The following SSBP3 variants were observed in gnomAD, a reference collection of about 807,000 sequenced individuals.
SSBP3 encodes single-stranded DNA-binding protein 3.
A neutral mutation model predicts 69.6 loss-of-function variants in SSBP3; 5 were observed. That is an observed-to-expected ratio of 0.07 (90% confidence interval 0.04 to 0.15). The LOEUF (loss-of-function observed/expected upper bound fraction) is 0.15, where lower values mean the gene tolerates loss of function less well. Among genes scored for constraint, SSBP3 ranks in the 10% least tolerant of loss-of-function variants. SSBP3 has a pLI of 1.00. For synonymous variants in SSBP3, 196 were observed against 193.4 expected (o/e 1.01, Z -0.11); for missense variants, 312 against 534.0 (o/e 0.58, Z 4.10).
intron 9 of SSBP3, among the ~76,000 whole-genome samples, chr1:54,247,009 C>T (rs1334866441): frequency 6.6e-6 from 1 of 152,258 alleles, no homozygotes; most frequent in Non-Finnish European, 1.5e-5. Context: ...CACCGCTCTG[C>T]AGGGGCAGGG....
At chr1:54,231,310 A>G (rs1180266616) in intron 14 of SSBP3, among the ~76,000 whole-genome samples, 1 of 152,182 alleles carries the variant, frequency 6.6e-6, no homozygotes, top group Non-Finnish European at 1.5e-5. Context: ...GCATCTTCTC[A>G]TGTGCTTACT....
At chr1:54,264,716 A>G (rs1242313467) in intron 5 of SSBP3, among the ~76,000 whole-genome samples, 3 of 152,208 alleles carry the variant, frequency 2.0e-5, no homozygotes, top group Admixed American at 2.0e-4. Context: ...TAAACTGCTG[A>G]CAGCTACCCA....
At chr1:54,251,536 T>C in intron 9 of SSBP3, 80 bp downstream of exon 9, 3 of 1,417,324 alleles carry the variant, frequency 2.1e-6, no homozygotes, top group South Asian at 2.5e-5. Context: ...TGTGGGAGAC[T>C]GACAGAGCAT....
chr1:54,242,037 T>C, intron 11 of SSBP3, 127 bp downstream of exon 11: 2 of 1,129,778 alleles, frequency 1.8e-6, no homozygotes, highest in Admixed American at 2.0e-5. Context: ...GCCTTCTCCC[T>C]AGAAGCATCA....
chr1:54,280,632 C>T (rs894337354), intron 5 of SSBP3, among the ~76,000 whole-genome samples: 8 of 152,178 alleles, frequency 5.3e-5, no homozygotes, highest in Admixed American at 3.9e-4. Flanking sequence ...TTCCTTACAG[C>T]CCTGCACGCT....
chr1:54,378,113 C>T (rs563670648), intron 4 of SSBP3, among the ~76,000 whole-genome samples: 10 of 152,272 alleles, frequency 6.6e-5, no homozygotes, highest in Admixed American at 5.9e-4. Flanking sequence ...AGCAGATGCC[C>T]TCGGACCTCT....
chr1:54,339,048 C>G (rs1426915802), intron 4 of SSBP3, among the ~76,000 whole-genome samples: 4 of 152,116 alleles, frequency 2.6e-5, no homozygotes, highest in Non-Finnish European at 5.9e-5. Flanking sequence ...TTTCATGGGC[C>G]TTCTCTCTCC....
Position 54,252,377 on chromosome 1 carries a change from G to A in SSBP3, c.508-517C>T, listed in dbSNP as rs116218553. Among the ~76,000 whole-genome samples, 707 of 152,350 alleles carry A rather than the reference G, an allele frequency of 4.6e-3. 5 individuals are homozygous for A. The highest frequency in any genetic ancestry group is 0.016 in the African/African-American group (674 of 41,576). ...AAGCCCCATTTAAAGGGGAAAAGAG[G>A]ATGAGGAGGCTTTTAGGATTGAGAT... On this transcript the variant is annotated intron_variant, in intron 7 of 17. Transcript: ENST00000610401.
chr1:54,228,234 C>G, intron 17 of SSBP3, 21 bp downstream of exon 17: 1 of 1,609,730 alleles, frequency 6.2e-7, no homozygotes, highest in Non-Finnish European at 8.5e-7. Context: ...ACGAGAGCAA[C>G]AGGCAGGGGG....
intron 4 of SSBP3, among the ~76,000 whole-genome samples, chr1:54,331,133 A>G (rs977054794): frequency 6.6e-6 from 1 of 152,252 alleles, no homozygotes; most frequent in Non-Finnish European, 1.5e-5. Context: ...ATGCCCCGAT[A>G]TAATAACCTC....
intron 5 of SSBP3, among the ~76,000 whole-genome samples, chr1:54,266,050 C>A (rs1415573668): frequency 6.6e-6 from 1 of 152,226 alleles, no homozygotes; most frequent in Non-Finnish European, 1.5e-5. Flanking sequence ...ACATGGCAAA[C>A]GAAAAGTATA....
At chr1:54,332,214 A>G (rs1316429097) in intron 4 of SSBP3, among the ~76,000 whole-genome samples, 4 of 152,148 alleles carry the variant, frequency 2.6e-5, no homozygotes, top group Non-Finnish European at 5.9e-5. Context: ...TGGCAAATAG[A>G]ATAATCAGAT....
At position 54,367,902 on chromosome 1, in the gene SSBP3, T is replaced by A. The variant is rs557509731; in HGVS notation, c.276+33959A>T. Among the ~76,000 whole-genome samples, 3 of 152,242 alleles carry A rather than the reference T, an allele frequency of 2.0e-5. No homozygotes were observed. In the South Asian group the frequency reaches 6.2e-4, roughly 32 times the overall value. ...TACATTATGAGAAAGCTGAAAAGAATCTTAATGCAAAAGAATTCTTAACTG... is the reference window on the plus strand; with the variant it reads ...TACATTATGAGAAAGCTGAAAAGAAACTTAATGCAAAAGAATTCTTAACTG... On this transcript the variant is annotated intron_variant, in intron 4 of 17. Coordinates refer to ENST00000610401, the Ensembl canonical transcript of SSBP3.
chr1:54,271,758 T>A (rs1645197836), intron 5 of SSBP3, among the ~76,000 whole-genome samples: 1 of 152,176 alleles, frequency 6.6e-6, no homozygotes, highest in Non-Finnish European at 1.5e-5. Flanking sequence ...ACGGGGCTTT[T>A]CTTTCTTTTC....
At chr1:54,291,886 G>A (rs553027649) in intron 4 of SSBP3, among the ~76,000 whole-genome samples, 103 of 152,332 alleles carry the variant, frequency 6.8e-4, no homozygotes, top group Non-Finnish European at 1.2e-3. Flanking sequence ...ATCCAGGTGC[G>A]AGCCCGCATC....
At chr1:54,336,034 T>C (rs926926804) in intron 4 of SSBP3, among the ~76,000 whole-genome samples, 1 of 152,222 alleles carries the variant, frequency 6.6e-6, no homozygotes, top group African/African-American at 2.4e-5. Flanking sequence ...TTCGACCGAT[T>C]ACTTAACCTC....
At chr1:54,336,988 G>A (rs973239321) in intron 4 of SSBP3, among the ~76,000 whole-genome samples, 4 of 152,222 alleles carry the variant, frequency 2.6e-5, no homozygotes, top group Non-Finnish European at 4.4e-5. Context: ...GCACACAGAG[G>A]TGGAGGGGGA....
At chr1:54,240,849 C>A in intron 13 of SSBP3, 56 bp downstream of exon 13, 1 of 1,609,982 alleles carries the variant, frequency 6.2e-7, no homozygotes, top group Non-Finnish European at 8.5e-7. Flanking sequence ...GTCTCTCTGG[C>A]AACATGCCCC....
chr1:54,368,894 G>A (rs574828164), intron 4 of SSBP3, among the ~76,000 whole-genome samples: 28 of 152,262 alleles, frequency 1.8e-4, no homozygotes, highest in African/African-American at 5.8e-4. Flanking sequence ...TTCTCCAACT[G>A]GGAGCTGACT....
Sources: allele counts gnomAD v4.1 joint callset (sites outside exome capture counted in the v4.1 genomes callset), GRCh38; gene constraint gnomAD v4.1.1; transcripts MANE v1.5; gene names NCBI Gene and HGNC (gene_info 2026-07-23, HGNC 2026-07-21).